PRKCE: variants seen among roughly 807,000 people sequenced by gnomAD.
PRKCE encodes protein kinase C epsilon type.
A neutral mutation model predicts 85.4 loss-of-function variants in PRKCE; 16 were observed. The observed-to-expected ratio is 0.19, with a 90% CI of 0.13 to 0.28. PRKCE has a LOEUF of 0.28. PRKCE is among the 10% of genes least tolerant of loss of function. The pLI is 1.00. For synonymous variants in PRKCE, 388 were observed against 371.5 expected (o/e 1.04, Z -0.51); for missense variants, 573 against 975.2 (o/e 0.59, Z 5.49).
At chr2:45,963,604 C>T (rs992058854) in intron 2 of PRKCE, among the ~76,000 whole-genome samples, 4 of 152,304 alleles carry the variant, frequency 2.6e-5, no homozygotes, top group East Asian at 3.9e-4. Context: ...CTACCGCGCC[C>T]GGCCATCTTT....
intron 1 of PRKCE, among the ~76,000 whole-genome samples, chr2:45,686,130 T>C (rs925197527): frequency 2.0e-5 from 3 of 152,154 alleles, no homozygotes; most frequent in South Asian, 4.1e-4. Context: ...GGAAGGAGTA[T>C]GCAAGCAGAA....
chr2:45,927,943 G>C (rs1698756459), intron 2 of PRKCE, among the ~76,000 whole-genome samples: 1 of 151,682 alleles, frequency 6.6e-6, no homozygotes, highest in Non-Finnish European at 1.5e-5. Context: ...GGGTGGGGGG[G>C]CCTGGGTGGT....
intron 11 of PRKCE, among the ~76,000 whole-genome samples, chr2:46,117,179 T>C (rs769393874): frequency 3.3e-5 from 5 of 152,206 alleles, no homozygotes; most frequent in African/African-American, 4.8e-5. Context: ...GGAAATAGAC[T>C]GACTTTTTTA....
chr2:45,967,646 A>G (rs947415516), intron 2 of PRKCE, among the ~76,000 whole-genome samples: 1 of 152,184 alleles, frequency 6.6e-6, no homozygotes, highest in Non-Finnish European at 1.5e-5. Context: ...CAGATTAATG[A>G]AGGAAATAAC....
rs1673987270 is a variant in PRKCE, at chr2:46,127,598, C to T, written c.1593-17495C>T. 2.0e-5 allele frequency among the ~76,000 whole-genome samples: 3 copies of T among 152,226 alleles called. No homozygotes were observed. The South Asian group carries it at 6.2e-4, about 32-fold the overall frequency. ...GCACTTGTGGGGAACGTATGATGGCCAGCAGGGCCTCTCCACACTGACTTG... is the reference window on the plus strand; with the variant it reads ...GCACTTGTGGGGAACGTATGATGGCTAGCAGGGCCTCTCCACACTGACTTG... On this transcript the variant is annotated intron_variant, in intron 11 of 14. Transcript: ENST00000306156.
At chr2:45,769,018 C>T (rs1034229128) in intron 1 of PRKCE, among the ~76,000 whole-genome samples, 2 of 152,200 alleles carry the variant, frequency 1.3e-5, no homozygotes, top group South Asian at 2.1e-4. Context: ...TGGCAAATTC[C>T]GGGCCATTTT....
chr2:45,933,515 C>T (rs966511221), intron 2 of PRKCE, among the ~76,000 whole-genome samples: 6 of 144,526 alleles, frequency 4.2e-5, no homozygotes, highest in Non-Finnish European at 1.5e-5. Context: ...GCTCTGCCGC[C>T]CAGGCTGGAG....
intron 1 of PRKCE, among the ~76,000 whole-genome samples, chr2:45,714,459 C>G (rs1679923846): frequency 6.6e-6 from 1 of 152,244 alleles, no homozygotes; most frequent in Non-Finnish European, 1.5e-5. Context: ...GGGAAAAGAA[C>G]TTGATGTGCT....
chr2:45,837,836 C>T (rs1351428554), intron 1 of PRKCE, among the ~76,000 whole-genome samples: 2 of 152,190 alleles, frequency 1.3e-5, no homozygotes, highest in Non-Finnish European at 2.9e-5. Flanking sequence ...CACCACTTCA[C>T]TCCAGCCTGG....
intron 1 of PRKCE, among the ~76,000 whole-genome samples, chr2:45,800,664 T>C (rs1687790330): frequency 6.6e-6 from 1 of 152,188 alleles, no homozygotes; most frequent in Admixed American, 6.5e-5. Context: ...GTCCATGCCT[T>C]AAGCCCCACA....
At chr2:46,095,808 C>G (rs1670627381) in intron 11 of PRKCE, among the ~76,000 whole-genome samples, 2 of 152,220 alleles carry the variant, frequency 1.3e-5, no homozygotes, top group African/African-American at 2.4e-5. Flanking sequence ...TATTCAATAT[C>G]TACAGTCTTT....
chr2:45,735,203 C>T (rs1345055081), intron 1 of PRKCE, among the ~76,000 whole-genome samples: 1 of 152,238 alleles, frequency 6.6e-6, no homozygotes, highest in East Asian at 1.9e-4. Context: ...TGGTTTGGTT[C>T]CACGCATGGC....
intron 1 of PRKCE, chr2:45,674,725 G>A (rs547593418): frequency 6.6e-6 from 1 of 152,246 alleles, no homozygotes; most frequent in Non-Finnish European, 1.5e-5. Flanking sequence ...CTTTATGAAA[G>A]TCAAATGGAA....
At chr2:46,154,306 A>C (rs1558509415) in intron 13 of PRKCE, among the ~76,000 whole-genome samples, 1 of 152,024 alleles carries the variant, frequency 6.6e-6, no homozygotes, top group East Asian at 1.9e-4. Flanking sequence ...TACTAGTCTT[A>C]TTTAGGGATA....
intron 10 of PRKCE, among the ~76,000 whole-genome samples, chr2:46,034,591 A>G (rs1397987488): frequency 1.3e-5 from 2 of 152,120 alleles, no homozygotes; most frequent in Admixed American, 6.5e-5. Flanking sequence ...TAAGGACACC[A>G]CAGTAACTCA....
intron 2 of PRKCE, among the ~76,000 whole-genome samples, chr2:45,853,648 G>C (rs1212356271): frequency 2.0e-5 from 3 of 152,182 alleles, no homozygotes; most frequent in African/African-American, 7.2e-5. Context: ...ATTTTTACTT[G>C]CTGGATAAAT....
intron 14 of PRKCE, among the ~76,000 whole-genome samples, chr2:46,166,511 C>T (rs924742922): frequency 6.6e-5 from 10 of 152,294 alleles, no homozygotes; most frequent in South Asian, 2.1e-4. Context: ...GTTGACCCAG[C>T]GGGTGGCATG....
intron 11 of PRKCE, among the ~76,000 whole-genome samples, chr2:46,144,329 TGCAG>T (rs1675858403): frequency 1.3e-5 from 2 of 152,216 alleles, no homozygotes; most frequent in Admixed American, 1.3e-4. Flanking sequence ...ATTGTGCTCA[TGCAG>T]GCAGGATGCT....
At chr2:45,802,927 T>A (rs1232581723) in intron 1 of PRKCE, among the ~76,000 whole-genome samples, 1 of 152,242 alleles carries the variant, frequency 6.6e-6, no homozygotes, top group East Asian at 1.9e-4. Flanking sequence ...AGCTCGCTTC[T>A]GGATATGATG....
Sources: allele counts gnomAD v4.1 joint callset (sites outside exome capture counted in the v4.1 genomes callset), GRCh38; gene constraint gnomAD v4.1.1; transcripts MANE v1.5; gene names NCBI Gene and HGNC (gene_info 2026-07-23, HGNC 2026-07-21).